LATS2: variants seen among roughly 807,000 people sequenced by gnomAD.
LATS2 encodes serine/threonine-protein kinase LATS2.
In LATS2, 24 loss-of-function variants were observed where a neutral mutation model predicts 76.0. The ratio of observed to expected loss-of-function variants is 0.32; its 90% confidence interval spans 0.23 to 0.44. LATS2 has a LOEUF of 0.44. Ranked by LOEUF, LATS2 falls within the 20% of genes least tolerant of loss-of-function variation. The probability of loss-of-function intolerance (pLI) is 1.00; values close to 1 mark genes in which losing one functional copy is unlikely to be tolerated. For missense variants in LATS2, 1,286 were observed against 1,481.2 expected (o/e 0.87, Z 2.16); for synonymous variants, 692 against 635.4 (o/e 1.09, Z -1.34).
At chr13:20,977,869 T>C (rs1869695344) in intron 7 of LATS2, among the ~76,000 whole-genome samples, 1 of 152,126 alleles carries the variant, frequency 6.6e-6, no homozygotes, top group African/African-American at 2.4e-5. Context: ...ATTCCAATTT[T>C]ACTGTTCCTA....
chr13:21,009,925 C>T (rs1455798729), intron 2 of LATS2, among the ~76,000 whole-genome samples: 6 of 152,112 alleles, frequency 3.9e-5, no homozygotes, highest in Non-Finnish European at 7.4e-5. Context: ...AAGGGCCAGG[C>T]GTGGTGGCTC....
At chr13:20,984,772 T>C (rs1870067916) in intron 4 of LATS2, among the ~76,000 whole-genome samples, 2 of 152,174 alleles carry the variant, frequency 1.3e-5, no homozygotes, top group Admixed American at 6.5e-5. Context: ...ACCAATTAAA[T>C]GCAATCCCTA....
At chr13:21,021,246 G>A (rs1181311372) in intron 2 of LATS2, among the ~76,000 whole-genome samples, 1 of 152,100 alleles carries the variant, frequency 6.6e-6, no homozygotes, top group Non-Finnish European at 1.5e-5. Context: ...GCTGATGCAG[G>A]TGGATCACTT....
At chr13:21,001,454 A>G (rs1331812943) in intron 2 of LATS2, among the ~76,000 whole-genome samples, 1 of 152,178 alleles carries the variant, frequency 6.6e-6, no homozygotes, top group Non-Finnish European at 1.5e-5. Flanking sequence ...GATTTTCTCT[A>G]TCAATGGAAT....
At position 20,988,646 on chromosome 13, in the gene LATS2, C is replaced by T. The variant is rs369167901; in HGVS notation, c.1134G>A (p.Arg378=). The stretch of plus-strand genomic sequence containing the variant: ...CCAGGCCCGGCTTCTGCAGGGAGTC[C>T]CGGCGGGCCAGGGTGGCAGCCGGCC... The part of the protein sequence containing the change: ...QQWPAATLAR[R]DSLQKPGLEA... The change falls in exon 4 of 8, where the codon CGG becomes CGA. Residue 378 remains arginine (R), a synonymous_variant. Transcript: ENST00000382592. The T allele has an allele frequency of 5.3e-4, 844 of 1,582,758 alleles. 2 individuals are homozygous for T. The highest frequency in any genetic ancestry group is 3.2e-3 in the Middle Eastern group (19 of 5,970).
At chr13:20,979,252 T>C (rs956035909) in intron 7 of LATS2, among the ~76,000 whole-genome samples, 4 of 151,844 alleles carry the variant, frequency 2.6e-5, no homozygotes, top group African/African-American at 9.7e-5. Flanking sequence ...TTTTGGGGAG[T>C]TGAAAGTTAT....
chr13:21,044,243 T>C (rs1484794744), intron 2 of LATS2, among the ~76,000 whole-genome samples: 1 of 152,216 alleles, frequency 6.6e-6, no homozygotes, highest in Admixed American at 6.5e-5. Flanking sequence ...CTCTGAGAAA[T>C]GTAAATTCTC....
chr13:21,039,221 A>T (rs1318882824), intron 2 of LATS2, among the ~76,000 whole-genome samples: 1 of 152,228 alleles, frequency 6.6e-6, no homozygotes, highest in East Asian at 1.9e-4. Flanking sequence ...CATGACCGAC[A>T]TTCCTAAACT....
chr13:21,028,684 C>A (rs148335438), intron 2 of LATS2, among the ~76,000 whole-genome samples: 5 of 152,152 alleles, frequency 3.3e-5, no homozygotes, highest in African/African-American at 1.2e-4. Flanking sequence ...AATTCTCCTG[C>A]CTCAACCTCC....
At chr13:21,038,684 T>C (rs1872760163) in intron 2 of LATS2, 1 of 152,172 alleles carries the variant, frequency 6.6e-6, no homozygotes, top group East Asian at 1.9e-4. Flanking sequence ...ATTTTTGTAA[T>C]TAGAAAAAAG....
chr13:21,007,169 T>C (rs1242973677), intron 2 of LATS2, among the ~76,000 whole-genome samples: 3 of 152,146 alleles, frequency 2.0e-5, no homozygotes, highest in Non-Finnish European at 4.4e-5. Flanking sequence ...AACTTTGAAA[T>C]ATATACATAT....
At chr13:20,983,965 C>G (rs974100506) in intron 4 of LATS2, among the ~76,000 whole-genome samples, 159 bp from the exon 5 acceptor site, 1 of 152,196 alleles carries the variant, frequency 6.6e-6, no homozygotes, top group Non-Finnish European at 1.5e-5. Context: ...GAGTCTCGCT[C>G]TGTCGCCTAG....
At chr13:21,002,158 C>T (rs912828715) in intron 2 of LATS2, among the ~76,000 whole-genome samples, 29 of 151,836 alleles carry the variant, frequency 1.9e-4, no homozygotes, top group African/African-American at 6.5e-4. Flanking sequence ...CAAGATCCGC[C>T]CACCTTGGCC....
intron 1 of LATS2, among the ~76,000 whole-genome samples, chr13:21,056,711 T>C (rs1411682050): frequency 6.6e-6 from 1 of 152,222 alleles, no homozygotes; most frequent in East Asian, 1.9e-4. Context: ...ATCACTGCTA[T>C]GGACTGAAGT....
At chr13:21,043,162 AC>A (rs1872945462) in intron 2 of LATS2, among the ~76,000 whole-genome samples, 1 of 151,602 alleles carries the variant, frequency 6.6e-6, no homozygotes, top group South Asian at 2.1e-4. Flanking sequence ...ACATAGTGAA[AC>A]CCCGTCTCTG....
chr13:21,006,019 C>T (rs1871251363), intron 2 of LATS2, among the ~76,000 whole-genome samples: 1 of 151,930 alleles, frequency 6.6e-6, no homozygotes, highest in African/African-American at 2.4e-5. Flanking sequence ...TGTCTGTAAT[C>T]CCAGCTACTC....
Position 21,046,083 on chromosome 13 carries a change from T to TA in LATS2, c.-58dup, listed in dbSNP as rs112886172. On this transcript the variant is annotated 5_prime_UTR_variant, in exon 2 of 8. Coordinates refer to ENST00000382592, the MANE Select transcript of LATS2 (RefSeq NM_014572.3). Reference sequence around the variant, plus strand: ...AATCTTCTTAAAGTGTTTTATTATTTAAAAAAAAAAACTGTCAATAGTATC... The same window carrying TA: ...AATCTTCTTAAAGTGTTTTATTATTTAAAAAAAAAAAACTGTCAATAGTATC... 0.12 allele frequency: 110,294 copies of TA among 885,584 alleles called. 2,592 individuals are homozygous for TA. The highest frequency in any genetic ancestry group is 0.43 in the East Asian group (14,099 of 32,858). The allele number at this position is 885,584 out of a possible 1,614,324, so 54.9% of individuals were successfully genotyped here.
In LATS2 at chr13:20,973,819, C is replaced by T. The variant is rs948051507; in HGVS notation, c.*1051G>A. On this transcript the variant is annotated 3_prime_UTR_variant, in exon 8 of 8. Transcript: ENST00000382592. ...TCAGTAAAAAGGTAAGTAGTAGGGT[C>T]AGAGGTATGGCATTCCACATACCAG... 2.2e-5 allele frequency: 5 copies of T among 230,326 alleles called. No homozygotes were observed. Among genetic ancestry groups the T allele is most frequent in the African/African-American group, 1.1e-4 (5 of 45,174 alleles). The allele number at this position is 230,326 out of a possible 1,614,324, so 14.3% of individuals were successfully genotyped here.
chr13:20,988,048 C>T lies in LATS2; in HGVS notation c.1732G>A (p.Val578Ile), dbSNP rs774885199. 2.5e-6 allele frequency: 4 copies of T among 1,614,232 alleles called. No individual in the cohort carries two copies. The highest frequency in any genetic ancestry group is 1.3e-5 in the African/African-American group (1 of 75,060). Residue 578 changes from valine to isoleucine, a missense_variant, in exon 4 of 8, where the codon GTT becomes ATT. Around this residue, in one of 5 missense-constraint regions of LATS2, gnomAD observed 710 missense variants for 660.9 expected, o/e 1.07. Transcript: ENST00000382592. The stretch of plus-strand genomic sequence containing the variant: ...TCTCTGCTGTTTTTGCGGACGGGAA[C>T]GGGAGAGGTCTGAATCTGCTTTTTA... ...KDKKQIQTSPVPVRKNSRDEE... is the reference protein window; with the variant it reads ...KDKKQIQTSPIPVRKNSRDEE...
Sources: allele counts gnomAD v4.1 joint callset (sites outside exome capture counted in the v4.1 genomes callset), GRCh38; gene constraint gnomAD v4.1.1; regional missense constraint gnomAD v4.1.1; transcripts MANE v1.5; gene names NCBI Gene and HGNC (gene_info 2026-07-23, HGNC 2026-07-21).